The following SP1 variants were observed in gnomAD, a reference collection of about 807,000 sequenced individuals.
SP1 encodes the protein Sp1 transcription factor.
In SP1, 6 loss-of-function variants were observed where a neutral mutation model predicts 66.3. That is an observed-to-expected ratio of 0.09 (90% confidence interval 0.05 to 0.18). The LOEUF is 0.18. SP1 is among the 10% of genes least tolerant of loss of function. The probability of loss-of-function intolerance (pLI) is 1.00; values close to 1 mark genes in which losing one functional copy is unlikely to be tolerated. For synonymous variants in SP1, 417 were observed against 360.8 expected (o/e 1.16, Z -1.77); for missense variants, 848 against 964.5 (o/e 0.88, Z 1.60).
rs945409171 is a variant in SP1 at position 53,413,561 on chromosome 12, C to A, written c.*2321C>A. The stretch of plus-strand genomic sequence containing the variant: ...CTCAGGAACTATGGCAAGGAACTTT[C>A]CCCAGATCAAATTCTATTAACGCTG... On this transcript the variant is annotated 3_prime_UTR_variant, in exon 6 of 6. Coordinates refer to ENST00000327443, the MANE Select transcript of SP1 (RefSeq NM_138473.3). 1 of 152,608 alleles carries A rather than the reference C, an allele frequency of 6.6e-6. No homozygotes were observed. Among genetic ancestry groups the A allele is most frequent in the Admixed American group, 6.6e-5 (1 of 15,260 alleles). 9.5% of individuals were successfully genotyped at this position (152,608 alleles called of 1,614,324 possible).
In SP1 at chr12:53,412,074, C is replaced by T. The variant is rs1159008125; in HGVS notation, c.*834C>T. 6.6e-6 allele frequency: 1 copy of T among 152,094 alleles called. No homozygotes were observed. Among genetic ancestry groups the T allele is most frequent in the African/African-American group, 2.4e-5 (1 of 41,418 alleles). 9.4% of individuals were successfully genotyped at this position (152,094 alleles called of 1,614,324 possible). Reference sequence around the variant, plus strand: ...AGTTCCAGCAGCAGAATGGAAAAATCCTTGAAGCCCAGGCTGATGCTTGAA... The same window carrying T: ...AGTTCCAGCAGCAGAATGGAAAAATTCTTGAAGCCCAGGCTGATGCTTGAA... On this transcript the variant is annotated 3_prime_UTR_variant, in exon 6 of 6. Transcript: ENST00000327443.
In SP1 at chr12:53,383,033, A is replaced by C. The variant is rs749733275; in HGVS notation, c.1086A>C (p.Leu362=). ...AGACACCCCAGAGGGTCAGTGGGCT[A>C]CAGGGGTCTGATGCTCTGAACATCC... is the stretch of plus-strand genomic sequence containing the variant. ...QGQTPQRVSG[L]QGSDALNIQQ... is the part of the protein sequence containing the mutation. The change falls in exon 3 of 6, where the codon CTA becomes CTC. Residue 362 remains leucine, a synonymous_variant. Transcript: ENST00000327443. 6.2e-7 allele frequency: 1 copy of C among 1,614,170 alleles called. No individual in the cohort carries two copies. Among genetic ancestry groups the C allele is most frequent in the South Asian group, 1.1e-5 (1 of 91,088 alleles).
intron 3 of SP1, among the ~76,000 whole-genome samples, chr12:53,405,573 G>C (rs1461132113): frequency 6.6e-6 from 1 of 152,020 alleles, no homozygotes; most frequent in Non-Finnish European, 1.5e-5. Flanking sequence ...GGGAGGCTAA[G>C]GCAGGAGAAT....
intron 3 of SP1, among the ~76,000 whole-genome samples, chr12:53,391,091 A>G (rs1465252558): frequency 6.6e-6 from 1 of 152,148 alleles, no homozygotes; most frequent in Non-Finnish European, 1.5e-5. Context: ...GTAGATAATA[A>G]TTAGTTGAGT....
At chr12:53,400,397 GTTTA>G (rs1386626170) in intron 3 of SP1, among the ~76,000 whole-genome samples, 1 of 151,882 alleles carries the variant, frequency 6.6e-6, no homozygotes, top group African/African-American at 2.4e-5. Context: ...ACCACATTTT[GTTTA>G]TTCATTCACC....
intron 3 of SP1, among the ~76,000 whole-genome samples, chr12:53,389,332 C>T (rs1592559431): frequency 6.6e-6 from 1 of 150,784 alleles, no homozygotes; most frequent in African/African-American, 2.4e-5. Flanking sequence ...AGCAATTCTC[C>T]TGCCTCAGCC....
chr12:53,406,707 C>T lies in SP1; in HGVS notation c.1798C>T (p.Arg600Trp). 6.2e-7 allele frequency: 1 copy of T among 1,614,030 alleles called. No individual in the cohort carries two copies. The highest frequency in any genetic ancestry group is 8.5e-7 in the Non-Finnish European group (1 of 1,180,008). ...DAQPQAGRRT[R>W]REACTCPYCK... Reference sequence around the variant, plus strand: ...CCAACCCCAAGCCGGTCGGAGGACCCGGCGGGAAGCATGCACCTGCCCCTA... The same window carrying T: ...CCAACCCCAAGCCGGTCGGAGGACCTGGCGGGAAGCATGCACCTGCCCCTA... Residue 600 changes from arginine to tryptophan, a missense_variant, in exon 4 of 6, where the codon CGG (arginine) becomes TGG (tryptophan). Coordinates refer to ENST00000327443, the MANE Select transcript of SP1 (RefSeq NM_138473.3).
intron 3 of SP1, among the ~76,000 whole-genome samples, chr12:53,396,811 A>T (rs180836139): frequency 2.0e-5 from 3 of 149,256 alleles, no homozygotes; most frequent in African/African-American, 7.4e-5. Context: ...TTAAAATACA[A>T]TTTTTTTTTT....
At chr12:53,405,066 A>G (rs998310048) in intron 3 of SP1, among the ~76,000 whole-genome samples, 10 of 151,698 alleles carry the variant, frequency 6.6e-5, no homozygotes, top group African/African-American at 2.2e-4. Context: ...CCAGGCTGGT[A>G]TTGAACTCCT....
Position 53,414,180 on chromosome 12 carries a change from T to G in SP1, c.*2940T>G, listed in dbSNP as rs1938951218. 1 of 152,294 alleles carries G rather than the reference T, an allele frequency of 6.6e-6. No homozygotes were observed. Among genetic ancestry groups the G allele is most frequent in the Admixed American group, 6.5e-5 (1 of 15,280 alleles). 9.4% of individuals were successfully genotyped at this position (152,294 alleles called of 1,614,324 possible). A position where few individuals can be genotyped will look rare whatever the true frequency, so the allele number is the denominator to read the frequency against. On this transcript the variant is annotated 3_prime_UTR_variant, in exon 6 of 6. Transcript: ENST00000327443. Reference sequence around the variant, plus strand: ...TCTGAAATTTTTTTCCTAAGTTTTTTTCATTTTTTTGAATGAGTTTTTTAA... The same window carrying G: ...TCTGAAATTTTTTTCCTAAGTTTTTGTCATTTTTTTGAATGAGTTTTTTAA...
chr12:53,397,012 C>A (rs1938506702), intron 3 of SP1, among the ~76,000 whole-genome samples: 1 of 151,534 alleles, frequency 6.6e-6, no homozygotes, highest in Non-Finnish European at 1.5e-5. Context: ...CCTTTCTAGA[C>A]CCTGTTTTGT....
In SP1 at chr12:53,382,769, A is replaced by C. The variant is rs1271116807; in HGVS notation, c.822A>C (p.Ala274=). 1 of 1,614,044 alleles carries C rather than the reference A, an allele frequency of 6.2e-7. No individual in the cohort carries two copies. The highest frequency in any genetic ancestry group is 1.3e-5 in the African/African-American group (1 of 74,922). The change falls in exon 3 of 6, where the codon GCA becomes GCC. Residue 274 remains alanine, a synonymous_variant. Transcript: ENST00000327443. ...TGCTACCTGTCAACAGCGTTTCTGC[A>C]GCTACCTTGACTCCCAGCTCTCAGG... ...ITLLPVNSVS[A]ATLTPSSQAV...
chr12:53,411,267 A>C lies in SP1; in HGVS notation c.*27A>C. On this transcript the variant is annotated 3_prime_UTR_variant, in exon 6 of 6. Transcript: ENST00000327443. ...ATCAGGCACCCGGGGCCAGAGACAT[A>C]TGGGCCATACCCCTTAACCCCGGGA... 3.2e-6 allele frequency: 5 copies of C among 1,582,574 alleles called. No homozygotes were observed. Among genetic ancestry groups the C allele is most frequent in the Non-Finnish European group, 3.5e-6 (4 of 1,159,328 alleles).
intron 3 of SP1, among the ~76,000 whole-genome samples, chr12:53,398,235 G>T (rs1225367393): frequency 2.6e-5 from 4 of 152,176 alleles, no homozygotes; most frequent in Admixed American, 6.6e-5. Flanking sequence ...AGATTTGTCA[G>T]TGTTTTAGAT....
chr12:53,395,990 C>G (rs1419168654), intron 3 of SP1, among the ~76,000 whole-genome samples: 1 of 152,050 alleles, frequency 6.6e-6, no homozygotes, highest in Admixed American at 6.6e-5. Context: ...TGTGCTGGCG[C>G]ACGCCTGTAG....
Position 53,413,353 on chromosome 12 carries a change from T to C in SP1, c.*2113T>C, listed in dbSNP as rs888902219. On this transcript the variant is annotated 3_prime_UTR_variant, in exon 6 of 6. Coordinates refer to ENST00000327443, the MANE Select transcript of SP1 (RefSeq NM_138473.3). ...TATAGCAGAGTCCTTATTCTTCTCA[T>C]AAATCTTTTTACTTTGGCTACAAAT... 3 of 152,320 alleles carry C rather than the reference T, an allele frequency of 2.0e-5. No individual in the cohort carries two copies. The highest frequency in any genetic ancestry group is 7.2e-5 in the African/African-American group (3 of 41,462). The allele number at this position is 152,320 out of a possible 1,614,324, so 9.4% of individuals were successfully genotyped here. A position where few individuals can be genotyped will look rare whatever the true frequency, so the allele number is the denominator to read the frequency against.
chr12:53,381,449 G>A (rs574674674), intron 1 of SP1: 26 of 428,610 alleles, frequency 6.1e-5, no homozygotes, highest in East Asian at 5.2e-4. Context: ...TTGTACAAGG[G>A]AGAATTAAGG....
chr12:53,382,784 C>G lies in SP1; in HGVS notation c.837C>G (p.Pro279=). ...GCGTTTCTGCAGCTACCTTGACTCC[C>G]AGCTCTCAGGCAGTCACGATCAGCA... ...VNSVSAATLT[P]SSQAVTISSS... Residue 279 remains proline (P), a synonymous_variant, in exon 3 of 6, where the codon CCC becomes CCG. Coordinates refer to ENST00000327443, the MANE Select transcript of SP1 (RefSeq NM_138473.3). The G allele has an allele frequency of 6.2e-7, 1 of 1,614,178 alleles. No individual in the cohort carries two copies. Among genetic ancestry groups the G allele is most frequent in the East Asian group, 2.2e-5 (1 of 44,888 alleles).
chr12:53,399,523 G>A (rs1219929232), intron 3 of SP1, among the ~76,000 whole-genome samples: 2 of 152,144 alleles, frequency 1.3e-5, no homozygotes, highest in African/African-American at 4.8e-5. Flanking sequence ...AGTAGAGACC[G>A]GGTTTCCCCA....
Sources: allele counts gnomAD v4.1 joint callset (sites outside exome capture counted in the v4.1 genomes callset), GRCh38; gene constraint gnomAD v4.1.1; transcripts MANE v1.5; gene names NCBI Gene and HGNC (gene_info 2026-07-23, HGNC 2026-07-21).